N4BP2: variants seen among roughly 807,000 people sequenced by gnomAD.
The protein encoded by N4BP2 is NEDD4-binding protein 2.
In N4BP2, 91 loss-of-function variants were observed where a neutral mutation model predicts 152.8. The observed-to-expected ratio is 0.60, with a 90% CI of 0.50 to 0.71. The LOEUF is 0.71. Ranked by LOEUF, N4BP2 falls within the 30% of genes least tolerant of loss-of-function variation. The pLI, the probability that N4BP2 is intolerant of heterozygous loss-of-function variation, is 0.00. For synonymous variants in N4BP2, 646 were observed against 705.3 expected, an observed-to-expected ratio of 0.92 and a Z score of 1.33; for missense variants, 1,923 against 2,059.1, an observed-to-expected ratio of 0.93 and a Z score of 1.28.
At chr4:40,170,227 A>G in the N4BP2 span, among the ~76,000 whole-genome samples, 1 of 152,290 alleles carries the variant, frequency 6.6e-6, no homozygotes, top group Non-Finnish European at 1.5e-5. Context: ...CCTACTTACT[A>G]TGTACACTGG....
rs1715762921 is a variant in N4BP2 at position 40,102,428 on chromosome 4, A to G, written c.583A>G (p.Asn195Asp). The G allele has an allele frequency of 1.2e-6, 2 of 1,611,030 alleles. No homozygotes were observed. Among genetic ancestry groups the G allele is most frequent in the Non-Finnish European group, 1.7e-6 (2 of 1,179,170 alleles). ...SNMTPIFSTQ[N>D]MNLNGENLEN... is the part of the protein sequence containing the mutation. The stretch of plus-strand genomic sequence containing the variant: ...TATGACTCCCATTTTTTCTACACAA[A>G]ATATGAATTTGAACGGTGAAAATTT... Residue 195 changes from asparagine to aspartate, a missense_variant, in exon 4 of 18, where the codon AAT becomes GAT. Physicochemically the swap from Asn to Asp is conservative, Grantham distance 23. Coordinates refer to ENST00000261435, the MANE Select transcript of N4BP2 (RefSeq NM_018177.6).
intron 17 of N4BP2, among the ~76,000 whole-genome samples, chr4:40,153,882 C>T (rs1339341361): frequency 6.6e-6 from 1 of 152,104 alleles, no homozygotes; most frequent in Non-Finnish European, 1.5e-5. Context: ...TTTCATGATG[C>T]ACCAAGGACT....
At chr4:40,148,157 C>T (rs1174733963) in intron 16 of N4BP2, among the ~76,000 whole-genome samples, 1 of 152,344 alleles carries the variant, frequency 6.6e-6, no homozygotes, top group East Asian at 1.9e-4. Context: ...CCAGCCTGGG[C>T]ACCAATGAGC....
chr4:40,188,397 C>T, the N4BP2 span, among the ~76,000 whole-genome samples: 1 of 152,158 alleles, frequency 6.6e-6, no homozygotes, highest in Non-Finnish European at 1.5e-5. Context: ...ATGGAGATAA[C>T]AGTGGTACCT....
rs962013572 is a variant in N4BP2 at position 40,154,528 on chromosome 4, G to T, written c.*291G>T. The T allele has an allele frequency of 3.3e-6, 1 of 304,386 alleles. No homozygotes were observed. The highest frequency in any genetic ancestry group is 6.0e-6 in the Non-Finnish European group (1 of 165,510). The allele number at this position is 304,386 out of a possible 1,614,324, so 18.9% of individuals were successfully genotyped here. ...TTTAAAATGCTCTGATTGTTTCTCA[G>T]AAAAGGTTACCTTTGTATTAATTGT... On this transcript the variant is annotated 3_prime_UTR_variant, in exon 18 of 18. Coordinates refer to ENST00000261435, the MANE Select transcript of N4BP2 (RefSeq NM_018177.6).
intron 3 of N4BP2, among the ~76,000 whole-genome samples, chr4:40,099,863 TA>T (rs1715459045): frequency 6.6e-6 from 1 of 152,168 alleles, no homozygotes; most frequent in Admixed American, 6.5e-5. Flanking sequence ...ATTTTTTTCA[TA>T]GAAATACTCC....
At chr4:40,136,440 A>C (rs1356440965) in intron 13 of N4BP2, among the ~76,000 whole-genome samples, 2 of 151,858 alleles carry the variant, frequency 1.3e-5, no homozygotes, top group Non-Finnish European at 2.9e-5. Context: ...GCTGGAGTGC[A>C]GTAGCACCAT....
intron 9 of N4BP2, among the ~76,000 whole-genome samples, chr4:40,122,820 T>C (rs1718058263): frequency 6.6e-6 from 1 of 152,220 alleles, no homozygotes; most frequent in African/African-American, 2.4e-5. Flanking sequence ...AGATTAATTT[T>C]TTAGAACATA....
In N4BP2 at chr4:40,097,589, G is replaced by C; in HGVS notation, c.229+20G>C. 1 of 1,446,836 alleles carries C rather than the reference G, an allele frequency of 6.9e-7. No individual in the cohort carries two copies. The highest frequency in any genetic ancestry group is 2.3e-5 in the East Asian group (1 of 44,078). The allele number at this position is 1,446,836 out of a possible 1,614,324, so 89.6% of individuals were successfully genotyped here. On this transcript the variant is annotated intron_variant, in intron 3 of 17. Coordinates refer to ENST00000261435, the MANE Select transcript of N4BP2 (RefSeq NM_018177.6). ...TCAAAGGTGAGAAAAAGTTTAGTTT[G>C]AACCCTGTCCATCTTATAAGAAGAC... is the stretch of plus-strand genomic sequence containing the variant.
chr4:40,162,058 G>A (rs747297691), downstream of N4BP2, among the ~76,000 whole-genome samples: 61 of 152,308 alleles, frequency 4.0e-4, no homozygotes, highest in Middle Eastern at 3.4e-3. Context: ...CGTACCAGTG[G>A]ATAGATGGCC....
At chr4:40,084,302 A>G (rs1713702510) in intron 2 of N4BP2, among the ~76,000 whole-genome samples, 1 of 152,190 alleles carries the variant, frequency 6.6e-6, no homozygotes, top group South Asian at 2.1e-4. Flanking sequence ...GTGTGACGGA[A>G]AGAATAGGCA....
At chr4:40,124,070 TG>T in intron 10 of N4BP2, 89 bp from the exon 11 acceptor site, 1 of 942,910 alleles carries the variant, frequency 1.1e-6, no homozygotes, top group Non-Finnish European at 1.7e-6. Context: ...CAAGGAGAAA[TG>T]ATTTCTAGAG....
rs1719685188 is a variant in N4BP2 at position 40,139,290 on chromosome 4, G to A, written c.4785+2208G>A. On this transcript the variant is annotated intron_variant, in intron 14 of 17. Transcript: ENST00000261435. Reference sequence around the variant, plus strand: ...ACTTTTAAATTAAAAAGAGAAAAGGGTCTTGCTATGTTGCCCAGACTGGTT... The same window carrying A: ...ACTTTTAAATTAAAAAGAGAAAAGGATCTTGCTATGTTGCCCAGACTGGTT... 2.0e-5 allele frequency among the ~76,000 whole-genome samples: 3 copies of A among 151,966 alleles called. No homozygotes were observed. In the South Asian group the frequency reaches 6.2e-4, roughly 32 times the overall value.
intron 2 of N4BP2, among the ~76,000 whole-genome samples, chr4:40,076,429 TC>T (rs1489829605): frequency 6.6e-6 from 1 of 151,850 alleles, no homozygotes; most frequent in African/African-American, 2.4e-5. Context: ...TGAGCTCAGA[TC>T]CTGTCACTGC....
rs761503186 is a variant in N4BP2 at position 40,102,930 on chromosome 4, T to C, written c.1085T>C (p.Met362Thr). The part of the protein sequence containing the change: ...LLLPPPPPPP[M>T]WNPMIPAFDL... ...TTGCCTCCTCCGCCACCTCCACCGATGTGGAATCCAATGATTCCTGCTTTT... is the reference window on the plus strand; with the variant it reads ...TTGCCTCCTCCGCCACCTCCACCGACGTGGAATCCAATGATTCCTGCTTTT... Residue 362 changes from methionine (M) to threonine (T), a missense_variant, in exon 4 of 18, where the codon ATG (methionine) becomes ACG (threonine). Transcript: ENST00000261435. 3 of 1,614,220 alleles carry C rather than the reference T, an allele frequency of 1.9e-6. No individual in the cohort carries two copies. Among genetic ancestry groups the C allele is most frequent in the Non-Finnish European group, 2.5e-6 (3 of 1,180,038 alleles).
At chr4:40,096,896 A>G (rs755829882) in intron 2 of N4BP2, among the ~76,000 whole-genome samples, 45 of 152,320 alleles carry the variant, frequency 3.0e-4, no homozygotes, top group Middle Eastern at 3.4e-3. Context: ...TGTTTTGGAC[A>G]TGTTAAATTT....
chr4:40,139,311 T>G (rs1358180790), intron 14 of N4BP2, among the ~76,000 whole-genome samples: 2 of 152,148 alleles, frequency 1.3e-5, no homozygotes, highest in Non-Finnish European at 2.9e-5. Flanking sequence ...TTGCCCAGAC[T>G]GGTTTCAACT....
intron 2 of N4BP2, among the ~76,000 whole-genome samples, chr4:40,085,255 G>T (rs1265076349): frequency 6.6e-6 from 1 of 150,596 alleles, no homozygotes; most frequent in Non-Finnish European, 1.5e-5. Flanking sequence ...TGTTGACCAG[G>T]CTGGTCTTGA....
intron 1 of N4BP2, among the ~76,000 whole-genome samples, chr4:40,059,820 A>C (rs986905956): frequency 3.9e-5 from 6 of 152,110 alleles, no homozygotes; most frequent in Non-Finnish European, 8.8e-5. Flanking sequence ...TGCATATGTG[A>C]TTGTATTTAA....
Sources: gnomAD v4.1 joint callset for allele counts (sites outside exome capture counted in the v4.1 genomes callset) on GRCh38, gnomAD v4.1.1 for gene constraint, MANE v1.5 for transcripts, NCBI Gene and HGNC (gene_info 2026-07-23, HGNC 2026-07-21) for gene names.